RGS3: variants seen among roughly 807,000 people sequenced by gnomAD.
RGS3 encodes regulator of G protein signaling 3.
Under a neutral mutation model 132.6 loss-of-function variants are expected in RGS3, and 80 were observed. That is an observed-to-expected ratio of 0.60 (90% confidence interval 0.50 to 0.73). The LOEUF (loss-of-function observed/expected upper bound fraction) is 0.73, where lower values mean the gene tolerates loss of function less well. Among genes scored for constraint, RGS3 ranks in the 30% least tolerant of loss-of-function variants. The pLI is 0.00. For missense variants in RGS3, 1,382 were observed against 1,530.8 expected, an observed-to-expected ratio of 0.90 and a Z score of 1.62; for synonymous variants, 598 against 620.6, an observed-to-expected ratio of 0.96 and a Z score of 0.54.
intron 14 of RGS3, among the ~76,000 whole-genome samples, chr9:113,512,314 C>T (rs1160495587): frequency 6.6e-6 from 1 of 152,178 alleles, no homozygotes; most frequent in Non-Finnish European, 1.5e-5. Flanking sequence ...AGGGCCAGAT[C>T]AGACAAGGAG....
At chr9:113,519,376 C>T (rs1035260310) in intron 16 of RGS3, among the ~76,000 whole-genome samples, 6 of 152,018 alleles carry the variant, frequency 3.9e-5, no homozygotes, top group Non-Finnish European at 7.4e-5. Context: ...ACCAAGAGAC[C>T]CCTCTCCCTT....
intron 19 of RGS3, among the ~76,000 whole-genome samples, chr9:113,543,724 T>C (rs1832994920): frequency 6.6e-6 from 1 of 152,210 alleles, no homozygotes; most frequent in South Asian, 2.1e-4. Context: ...ACAGGAGCTC[T>C]GGCCACAAAG....
chr9:113,595,426 A>G, intron 23 of RGS3, 173 bp from the exon 22 acceptor site: 1 of 638,024 alleles, frequency 1.6e-6, no homozygotes, highest in South Asian at 2.0e-5. Context: ...AGACCCTGAA[A>G]GAGGCAGTGG....
At chr9:113,521,706 C>T (rs964352130) in intron 16 of RGS3, among the ~76,000 whole-genome samples, 4 of 152,264 alleles carry the variant, frequency 2.6e-5, no homozygotes, top group African/African-American at 9.6e-5. Context: ...TGAGAACATC[C>T]TCATATGTTC....
In RGS3 at chr9:113,541,579, G is replaced by A. The variant is rs186932806; in HGVS notation, c.2037+4661G>A. On this transcript the variant is annotated intron_variant, in intron 19 of 24. Transcript: ENST00000350696. ...GAAGGGAGTGGTCCCAAGGGTGCAT[G>A]TGGATGTCAACAGAAGGACCACAAT... is the stretch of plus-strand genomic sequence containing the variant. The A allele has an allele frequency of 8.7e-6, 12 of 1,384,136 alleles. No homozygotes were observed. In the African/African-American group the frequency reaches 1.6e-4, roughly 19 times the overall value. The allele number at this position is 1,384,136 out of a possible 1,614,324, so 85.7% of individuals were successfully genotyped here.
intron 1 of RGS3, chr9:113,461,662 C>T: frequency 6.3e-7 from 1 of 1,579,990 alleles, no homozygotes; most frequent in Non-Finnish European, 8.6e-7. Context: ...GTTCCCATTA[C>T]CGGGTGTAAG....
At chr9:113,486,857 T>C (rs1830347362) in intron 7 of RGS3, among the ~76,000 whole-genome samples, 1 of 152,202 alleles carries the variant, frequency 6.6e-6, no homozygotes, top group South Asian at 2.1e-4. Context: ...CCACTTTTCA[T>C]CCTAGGGTAG....
chr9:113,496,363 A>T (rs758931224), intron 8 of RGS3, among the ~76,000 whole-genome samples: 1 of 152,060 alleles, frequency 6.6e-6, no homozygotes, highest in Non-Finnish European at 1.5e-5. Flanking sequence ...CTGGTCCCTT[A>T]TCAATTTCTA....
chr9:113,501,044 G>GT (rs1830864749), intron 10 of RGS3, among the ~76,000 whole-genome samples: 1 of 152,120 alleles, frequency 6.6e-6, no homozygotes, highest in African/African-American at 2.4e-5. Flanking sequence ...GACTCCAAAT[G>GT]TTTTATGTTC....
At chr9:113,466,614 AT>A (rs1829653592) in intron 3 of RGS3, among the ~76,000 whole-genome samples, 1 of 151,988 alleles carries the variant, frequency 6.6e-6, no homozygotes, top group Non-Finnish European at 1.5e-5. Context: ...TTTTTTCTTT[AT>A]TGTGAAAAAT....
At chr9:113,553,459 A>AAAAATAT (rs1426114805) in intron 19 of RGS3, among the ~76,000 whole-genome samples, 15 of 58,692 alleles carry the variant, frequency 2.6e-4, no homozygotes, top group South Asian at 5.8e-4. Context: ...AAAAAAAAAA[A>AAAAATAT]ATATATATAT....
chr9:113,594,924 C>T lies in RGS3; in HGVS notation c.3188C>T (p.Thr1063Ile), dbSNP rs756926906. 10 of 1,613,930 alleles carry T rather than the reference C, an allele frequency of 6.2e-6. No individual in the cohort carries two copies. In the African/African-American group the frequency reaches 1.3e-4, roughly 22 times the overall value. ...TTTCCTCCCTCACCCCTCAGGCCCACCTCAGAGGAAGCCCTCAAGTGGGGC... is the reference window on the plus strand; with the variant it reads ...TTTCCTCCCTCACCCCTCAGGCCCATCTCAGAGGAAGCCCTCAAGTGGGGC... The change falls in exon 23 of 25, where the codon ACC (threonine) becomes ATC (isoleucine). Residue 1063 changes from threonine to isoleucine, a missense_variant. By Grantham distance (89) the Thr-to-Ile change is moderately conservative. Transcript: ENST00000350696.
At chr9:113,594,044 T>C in intron 21 of RGS3, 1 of 1,612,930 alleles carries the variant, frequency 6.2e-7, no homozygotes, top group African/African-American at 1.3e-5. Flanking sequence ...CAGAAGGAAT[T>C]TTTTTTTCCG....
At chr9:113,478,720 A>G (rs889883859) in intron 3 of RGS3, among the ~76,000 whole-genome samples, 6 of 151,944 alleles carry the variant, frequency 3.9e-5, no homozygotes, top group Non-Finnish European at 7.4e-5. Flanking sequence ...GTTGAGGCAG[A>G]AGGATTGCTT....
At chr9:113,578,646 C>G (rs1348552324) in intron 19 of RGS3, among the ~76,000 whole-genome samples, 1 of 152,044 alleles carries the variant, frequency 6.6e-6, no homozygotes, top group African/African-American at 2.4e-5. Flanking sequence ...TGACGCTGAG[C>G]CAGGAGAGCT....
intron 19 of RGS3, among the ~76,000 whole-genome samples, chr9:113,574,787 G>A (rs1273591910): frequency 6.6e-6 from 1 of 152,196 alleles, no homozygotes; most frequent in Non-Finnish European, 1.5e-5. Flanking sequence ...CAGGGTGCCG[G>A]GTGGGAAGGG....
chr9:113,541,685 AAGGAGG>A (rs1005995871), intron 19 of RGS3: 11 of 1,094,306 alleles, frequency 1.0e-5, no homozygotes, highest in Non-Finnish European at 1.2e-5. Flanking sequence ...TCTTCCTTCC[AAGGAGG>A]AGGAGGAGGA....
At chr9:113,561,364 CTTTCCT>C (rs979041213) in intron 19 of RGS3, among the ~76,000 whole-genome samples, 16 of 151,296 alleles carry the variant, frequency 1.1e-4, no homozygotes, top group African/African-American at 3.9e-4. Context: ...TCTTTCTTTC[CTTTCCT>C]TTTCTTTTCT....
At chr9:113,543,329 T>C (rs1441931078) in intron 19 of RGS3, among the ~76,000 whole-genome samples, 1 of 152,214 alleles carries the variant, frequency 6.6e-6, no homozygotes, top group Non-Finnish European at 1.5e-5. Context: ...TAGAAGAGAA[T>C]ACACCCCTTA....
Sources: allele counts gnomAD v4.1 joint callset (sites outside exome capture counted in the v4.1 genomes callset), GRCh38; gene constraint gnomAD v4.1.1; transcripts MANE v1.5; gene names NCBI Gene and HGNC (gene_info 2026-07-23, HGNC 2026-07-21).